TCP11L2: variants seen among roughly 807,000 people sequenced by gnomAD.
The protein encoded by TCP11L2 is T-complex protein 11-like protein 2.
A neutral mutation model predicts 50.7 loss-of-function variants in TCP11L2; 39 were observed. The ratio of observed to expected loss-of-function variants is 0.77; its 90% CI spans 0.60 to 1.01. The LOEUF is 1.01. Among genes scored for constraint, TCP11L2 ranks in the 50% least tolerant of loss-of-function variants. The pLI is 0.00. For synonymous variants in TCP11L2, 192 were observed against 219.3 expected, an observed-to-expected ratio of 0.88 and a Z score of 1.10; for missense variants, 612 against 614.7, an observed-to-expected ratio of 1.00 and a Z score of 0.05.
intron 6 of TCP11L2, among the ~76,000 whole-genome samples, chr12:106,328,501 G>A (rs978640106): frequency 6.6e-5 from 10 of 152,160 alleles, no homozygotes; most frequent in Non-Finnish European, 8.8e-5. Context: ...CCGAGATTGC[G>A]CCTCTGCACT....
chr12:106,329,379 C>A (rs1472490187), intron 6 of TCP11L2: 1 of 1,535,952 alleles, frequency 6.5e-7, no homozygotes, highest in South Asian at 1.2e-5. Flanking sequence ...GCTTTTGGAA[C>A]CAGAGAGAGC....
Position 106,311,209 on chromosome 12 carries a change from C to A in TCP11L2, c.134C>A (p.Ser45Tyr), listed in dbSNP as rs1009383525. The A allele has an allele frequency of 6.2e-7, 1 of 1,613,842 alleles. No homozygotes were observed. Among genetic ancestry groups the A allele is most frequent in the African/African-American group, 1.3e-5 (1 of 74,892 alleles). The change falls in exon 2 of 10, where the codon TCC becomes TAC. Residue 45 changes from serine to tyrosine, a missense_variant. Transcript: ENST00000299045. ...CSRQSFASDSSSKSSSPASTS... is the reference protein window; with the variant it reads ...CSRQSFASDSYSKSSSPASTS... Reference sequence around the variant, plus strand: ...AGGCAGAGCTTTGCAAGTGACTCCTCCAGCAAATCCAGCTCTCCTGCTTGT... The same window carrying A: ...AGGCAGAGCTTTGCAAGTGACTCCTACAGCAAATCCAGCTCTCCTGCTTGT...
upstream of TCP11L2, among the ~76,000 whole-genome samples, chr12:106,302,422 ACTCG>A (rs2034450985): frequency 1.1e-5 from 1 of 92,896 alleles, no homozygotes; most frequent in East Asian, 3.7e-4. Context: ...CCGCTCCCCC[ACTCG>A]GCCCCGCCCC....
Position 106,346,526 on chromosome 12 carries a change from A to T in TCP11L2, c.1556A>T (p.Asn519Ile). The T allele has an allele frequency of 1.2e-6, 2 of 1,610,388 alleles. No individual in the cohort carries two copies. Among genetic ancestry groups the T allele is most frequent in the Non-Finnish European group, 1.7e-6 (2 of 1,178,196 alleles). Residue 519 changes from asparagine (N) to isoleucine (I), a missense_variant, in exon 10 of 10, where the codon AAC (asparagine) becomes ATC (isoleucine). Coordinates refer to ENST00000299045, the MANE Select transcript of TCP11L2 (RefSeq NM_152772.3). The part of the protein sequence containing the change: ...MGKVDASPPT[N>I] ...AAGGTAGATGCTTCACCTCCTACTA[A>T]CTAAAGAAGAACTGACATTGGACGA... is the stretch of plus-strand genomic sequence containing the variant.
chr12:106,328,326 A>G (rs1417530468), intron 6 of TCP11L2, among the ~76,000 whole-genome samples: 1 of 152,226 alleles, frequency 6.6e-6, no homozygotes, highest in Non-Finnish European at 1.5e-5. Flanking sequence ...CGGGCAGATC[A>G]TGAGTTCAGG....
At chr12:106,328,954 A>G (rs1374250198) in intron 6 of TCP11L2, among the ~76,000 whole-genome samples, 1 of 152,144 alleles carries the variant, frequency 6.6e-6, no homozygotes, top group Non-Finnish European at 1.5e-5. Context: ...CTGCTCGGCC[A>G]GCCCCTGGTC....
At chr12:106,304,082 C>G (rs975995321) in intron 1 of TCP11L2, 9 of 152,330 alleles carry the variant, frequency 5.9e-5, no homozygotes, top group Non-Finnish European at 1.0e-4. Flanking sequence ...TCCTTTTCCT[C>G]TCTTCTCTAG....
intron 6 of TCP11L2, chr12:106,329,996 GTC>G (rs556489287): frequency 5.1e-6 from 5 of 985,424 alleles, no homozygotes; most frequent in Middle Eastern, 5.2e-4. Flanking sequence ...AAGAATTTCA[GTC>G]TCTCTCTACT....
upstream of TCP11L2, among the ~76,000 whole-genome samples, chr12:106,302,526 G>A (rs944192139): frequency 1.3e-5 from 2 of 151,336 alleles, no homozygotes; most frequent in Non-Finnish European, 2.9e-5. Flanking sequence ...CCCGCCCCCG[G>A]CAGCCCGGAC....
At chr12:106,329,624 A>C in intron 6 of TCP11L2, 2 of 1,316,174 alleles carry the variant, frequency 1.5e-6, no homozygotes, top group Non-Finnish European at 1.9e-6. Flanking sequence ...AAAGCTCCCC[A>C]GGTGATTCTA....
rs55918458 is a variant in TCP11L2 at position 106,314,535 on chromosome 12, CTGTGTGTGTG to C, written c.293+75_293+84del. The C allele has an allele frequency of 6.8e-5, 48 of 707,444 alleles. No individual in the cohort carries two copies. The East Asian group carries it at 9.7e-4, about 14-fold the overall frequency. The allele number at this position is 707,444 out of a possible 1,614,324, so 43.8% of individuals were successfully genotyped here. On this transcript the variant is annotated intron_variant, in intron 3 of 9. Transcript: ENST00000299045. Reference sequence around the variant, plus strand: ...TGTTGTATATAAACTGCTGAAGATTCTGTGTGTGTGTGTGTGTGTGTGTGTGTGTGTGTGT... The same window carrying C: ...TGTTGTATATAAACTGCTGAAGATTCTGTGTGTGTGTGTGTGTGTGTGTGT...
intron 9 of TCP11L2, among the ~76,000 whole-genome samples, chr12:106,345,902 G>A (rs932767637): frequency 6.6e-6 from 1 of 152,172 alleles, no homozygotes; most frequent in South Asian, 2.1e-4. Context: ...GGCCTCAGAT[G>A]GAACAGCTGG....
intron 9 of TCP11L2, 32 bp from the exon 10 acceptor site, chr12:106,346,254 G>A: frequency 1.3e-6 from 2 of 1,571,236 alleles, no homozygotes; most frequent in Non-Finnish European, 1.7e-6. Context: ...TTTAATAATG[G>A]ACAGATAAAA....
upstream of TCP11L2, among the ~76,000 whole-genome samples, chr12:106,301,462 T>A (rs1383312411): frequency 6.6e-6 from 1 of 152,220 alleles, no homozygotes; most frequent in African/African-American, 2.4e-5. Flanking sequence ...GACCAAGATC[T>A]CATGGATAGT....
intron 6 of TCP11L2, chr12:106,325,473 T>C (rs2035502818): frequency 6.6e-6 from 1 of 152,192 alleles, no homozygotes; most frequent in Non-Finnish European, 1.5e-5. Context: ...AAGGAAGGCA[T>C]GTTTGGATTT....
intron 9 of TCP11L2, 39 bp downstream of exon 9, chr12:106,341,037 G>T: frequency 6.5e-7 from 1 of 1,543,530 alleles, no homozygotes. Flanking sequence ...ATTCCAATTT[G>T]CTTTAACTTG....
chr12:106,309,384 C>T (rs2034760377), intron 1 of TCP11L2, among the ~76,000 whole-genome samples: 1 of 152,042 alleles, frequency 6.6e-6, no homozygotes, highest in South Asian at 2.1e-4. Flanking sequence ...GTCTCCACTC[C>T]ACTCCTTGCC....
In TCP11L2 at chr12:106,344,864, G is replaced by A. The variant is rs75019156; in HGVS notation, c.1316-1422G>A. ...TGCATTTCTATGCTTTTGTGTAGTCGTCTCAAAGTCAAATACATTGAGGCA... is the reference window on the plus strand; with the variant it reads ...TGCATTTCTATGCTTTTGTGTAGTCATCTCAAAGTCAAATACATTGAGGCA... On this transcript the variant is annotated intron_variant, in intron 9 of 9. Transcript: ENST00000299045. 3.6e-3 allele frequency among the ~76,000 whole-genome samples: 551 copies of A among 152,238 alleles called. 1 individual carries two copies. The highest frequency in any genetic ancestry group is 6.0e-3 in the Non-Finnish European group (408 of 68,010).
rs1444106836 is a variant in TCP11L2 at position 106,312,304 on chromosome 12, C to T, written c.157+1072C>T. On this transcript the variant is annotated intron_variant, in intron 2 of 9. Transcript: ENST00000299045. ...GCTGTTATAAATAGTGCTTTATGAA[C>T]ATCTTACTGCATGAAGCCTTTCTGG... is the stretch of plus-strand genomic sequence containing the variant. 6.9e-6 allele frequency: 3 copies of T among 433,080 alleles called. No individual in the cohort carries two copies. In the East Asian group the frequency reaches 2.7e-4, roughly 39 times the overall value. 26.8% of individuals were successfully genotyped at this position (433,080 alleles called of 1,614,324 possible).
Sources: gnomAD v4.1 joint callset for allele counts (sites outside exome capture counted in the v4.1 genomes callset) on GRCh38, gnomAD v4.1.1 for gene constraint, MANE v1.5 for transcripts, NCBI Gene and HGNC (gene_info 2026-07-23, HGNC 2026-07-21) for gene names.